HNRNPH1: variants seen among roughly 807,000 people sequenced by gnomAD.
HNRNPH1 encodes the protein heterogeneous nuclear ribonucleoprotein H1, also known as heterogeneous nuclear ribonucleoprotein H.
HNRNPH1 carries 4 observed loss-of-function variants against 58.6 expected under a neutral mutation model. That is an observed-to-expected ratio of 0.07 (90% CI 0.03 to 0.16). The LOEUF is 0.16. Among genes scored for constraint, HNRNPH1 ranks in the 10% least tolerant of loss-of-function variants. HNRNPH1 has a pLI of 1.00. For synonymous variants in HNRNPH1, 192 were observed against 189.2 expected, an observed-to-expected ratio of 1.01 and a Z score of -0.12; for missense variants, 271 against 564.2, an observed-to-expected ratio of 0.48 and a Z score of 5.26.
chr5:179,614,998 A>G (rs1768813900), intron 12 of HNRNPH1, 39 bp from the exon 14 acceptor site: 2 of 1,140,168 alleles, frequency 1.8e-6, no homozygotes, highest in African/African-American at 3.1e-5. Context: ...GAGTAATATC[A>G]GACTACCAGT....
At chr5:179,616,628 A>G (rs111594045) in intron 10 of HNRNPH1, 2 of 547,642 alleles carry the variant, frequency 3.7e-6, no homozygotes, top group Middle Eastern at 4.7e-4. Flanking sequence ...AGAAAATTTA[A>G]GTAGTTTCAC....
rs541928586 is a variant in HNRNPH1 at position 179,616,025 on chromosome 5, C to T, written c.1300+101G>A. 5 of 1,056,476 alleles carry T rather than the reference C, an allele frequency of 4.7e-6. No individual in the cohort carries two copies. In the African/African-American group the frequency reaches 7.8e-5, roughly 17 times the overall value. The allele number at this position is 1,056,476 out of a possible 1,614,324, so 65.4% of individuals were successfully genotyped here. A position where few individuals can be genotyped will look rare whatever the true frequency, so the allele number is the denominator to read the frequency against. On this transcript the variant is annotated intron_variant, in intron 11 of 12. Transcript: ENST00000356731. ...ACTAAAGGCACCTGCCTGCGACTTA[C>T]TCTAAGTACAGTAACAGGCTTTACC... is the stretch of plus-strand genomic sequence containing the variant.
intron 4 of HNRNPH1, 182 bp downstream of exon 5, chr5:179,619,087 A>G: frequency 1.9e-6 from 1 of 532,496 alleles, no homozygotes; most frequent in Non-Finnish European, 3.3e-6. Context: ...AACTAGGGAC[A>G]AATTTCAAAC....
Position 179,632,885 on chromosome 5 carries a change from G to A in HNRNPH1, c.-32+1180C>T, listed in dbSNP as rs185720906. ...TTTTTTTTTTTTTTTTTGAGACGGA[G>A]TCCTGCTCTGTCGCCAGGCTGGAGT... On this transcript the variant is annotated intron_variant, in intron 2 of 4. Coordinates refer to the HNRNPH1 transcript ENST00000521116. Among the ~76,000 whole-genome samples, 350 of 119,504 alleles carry A rather than the reference G, an allele frequency of 2.9e-3. 2 individuals are homozygous for A. The highest frequency in any genetic ancestry group is 0.011 in the African/African-American group (330 of 30,084). The allele number at this position is 119,504 out of a possible 152,430, so 78.4% of individuals were successfully genotyped here.
At chr5:179,616,442 G>A in intron 10 of HNRNPH1, 1 of 563,778 alleles carries the variant, frequency 1.8e-6, no homozygotes, top group South Asian at 2.2e-5. Context: ...CACATCAGCA[G>A]GACTAAAATC....
intron 1 of HNRNPH1, chr5:179,621,721 G>C: frequency 2.5e-6 from 1 of 396,754 alleles, no homozygotes; most frequent in South Asian, 2.1e-5. Context: ...TGGACTGTGT[G>C]ACTTTACGGC....
chr5:179,632,860 T>C (rs1309419583), intron 2 of HNRNPH1, among the ~76,000 whole-genome samples: 2 of 137,348 alleles, frequency 1.5e-5, no homozygotes, highest in African/African-American at 5.4e-5. Context: ...AATTTTTTTT[T>C]TTTTTTTTTT....
At chr5:179,621,614 A>G in intron 1 of HNRNPH1, 11 of 561,508 alleles carry the variant, frequency 2.0e-5, no homozygotes, top group Non-Finnish European at 2.8e-5. Context: ...AACATACAAT[A>G]TTCAAAGCAG....
At chr5:179,631,742 C>CA (rs199791763) in intron 2 of HNRNPH1, among the ~76,000 whole-genome samples, 2,313 of 148,528 alleles carry the variant, frequency 0.016, 55 homozygotes, top group African/African-American at 0.051. Context: ...AGCAAGACCT[C>CA]AAAAAAAAAA....
chr5:179,620,387 CTGAT>C (rs1383764366), intron 3 of HNRNPH1, among the ~76,000 whole-genome samples: 13 of 152,324 alleles, frequency 8.5e-5, no homozygotes, highest in African/African-American at 2.9e-4. Flanking sequence ...CTCACTACAT[CTGAT>C]TTTCAGTAAG....
upstream of HNRNPH1, among the ~76,000 whole-genome samples, chr5:179,625,716 C>T (rs186821497): frequency 6.6e-6 from 1 of 150,986 alleles, no homozygotes; most frequent in Non-Finnish European, 1.5e-5. Context: ...ACACTTATAG[C>T]CAATTCTCTT....
chr5:179,632,668 G>A (rs968821785), intron 2 of HNRNPH1, among the ~76,000 whole-genome samples: 20 of 152,148 alleles, frequency 1.3e-4, no homozygotes, highest in South Asian at 2.1e-4. Flanking sequence ...GGCGGACAAC[G>A]CAGGCGGCCG....
At chr5:179,629,520 A>G (rs949286141), upstream of HNRNPH1, 9 of 150,710 alleles carry the variant, frequency 6.0e-5, no homozygotes, top group Non-Finnish European at 1.3e-4. Context: ...CCTGAACTCA[A>G]GTGATCTGAC....
upstream of HNRNPH1, among the ~76,000 whole-genome samples, chr5:179,627,090 G>T (rs114377759): frequency 6.6e-6 from 1 of 152,074 alleles, no homozygotes; most frequent in Non-Finnish European, 1.5e-5. Context: ...TAATGTCTTC[G>T]TATACTTCTT....
intron 10 of HNRNPH1, 71 bp from the exon 12 acceptor site, chr5:179,616,289 A>G (rs961009226): frequency 1.7e-6 from 2 of 1,157,568 alleles, no homozygotes; most frequent in East Asian, 2.3e-5. Flanking sequence ...CGGGCTTGTA[A>G]TTCTATAGCT....
At chr5:179,632,077 C>A (rs1361726426) in intron 2 of HNRNPH1, among the ~76,000 whole-genome samples, 1 of 130,840 alleles carries the variant, frequency 7.6e-6, no homozygotes, top group Non-Finnish European at 1.8e-5. Flanking sequence ...GAGGCCGAGG[C>A]GGGCGGATCA....
exon 1 of HNRNPH1, chr5:179,624,206 C>T (rs1414889925): frequency 9.9e-6 from 3 of 302,086 alleles, no homozygotes; most frequent in Non-Finnish European, 1.8e-5. Flanking sequence ...TGGTCAGCTG[C>T]AGATTGTCGA....
chr5:179,623,063 G>A, exon 1 of HNRNPH1: 8 of 1,601,150 alleles, frequency 5.0e-6, no homozygotes, highest in East Asian at 2.3e-5. Context: ...CACTTCATCG[G>A]CCGAGCAAGA....
chr5:179,627,393 A>G (rs1774491310), upstream of HNRNPH1, among the ~76,000 whole-genome samples: 1 of 149,798 alleles, frequency 6.7e-6, no homozygotes, highest in Admixed American at 6.7e-5. Flanking sequence ...GGGTCTCACT[A>G]TGTTGCCCAG....
Sources: allele counts gnomAD v4.1 joint callset (sites outside exome capture counted in the v4.1 genomes callset), GRCh38; gene constraint gnomAD v4.1.1; transcripts MANE v1.5; gene names NCBI Gene and HGNC (gene_info 2026-07-23, HGNC 2026-07-21).